The following TIGIT variants were observed in gnomAD, a reference collection of about 807,000 sequenced individuals.
TIGIT encodes T cell immunoreceptor with Ig and ITIM domains.
A neutral mutation model predicts 19.6 loss-of-function variants in TIGIT; 11 were observed. The observed-to-expected ratio is 0.56, with a 90% CI of 0.35 to 0.93. The LOEUF is 0.93. Among genes scored for constraint, TIGIT ranks in the 40% least tolerant of loss-of-function variants. TIGIT has a pLI of 0.01. For synonymous variants in TIGIT, 130 were observed against 125.5 expected, an observed-to-expected ratio of 1.04 and a Z score of -0.24; for missense variants, 295 against 303.9, an observed-to-expected ratio of 0.97 and a Z score of 0.22.
At chr3:114,305,763 G>A (rs1033825595) in intron 3 of TIGIT, among the ~76,000 whole-genome samples, 2 of 151,828 alleles carry the variant, frequency 1.3e-5, no homozygotes, top group African/African-American at 4.8e-5. Flanking sequence ...CGGAGGGACA[G>A]AACCAATAGG....
At chr3:114,297,881 C>T (rs985624058) in intron 2 of TIGIT, among the ~76,000 whole-genome samples, 1 of 152,228 alleles carries the variant, frequency 6.6e-6, no homozygotes, top group Non-Finnish European at 1.5e-5. Flanking sequence ...ATTGCAGACT[C>T]CAGGGAACAC....
At chr3:114,296,003 C>A in intron 2 of TIGIT, 129 bp downstream of exon 2, 1 of 746,674 alleles carries the variant, frequency 1.3e-6, no homozygotes, top group Non-Finnish European at 2.1e-6. Flanking sequence ...GATTTTAAAT[C>A]ATACTGATGC....
intron 2 of TIGIT, among the ~76,000 whole-genome samples, chr3:114,299,020 A>G (rs796239103): frequency 2.6e-5 from 4 of 152,318 alleles, no homozygotes; most frequent in African/African-American, 9.6e-5. Context: ...TTATGCCACA[A>G]ATATTTATAT....
chr3:114,294,648 G>A (rs2078441778), intron 1 of TIGIT, among the ~76,000 whole-genome samples: 1 of 152,122 alleles, frequency 6.6e-6, no homozygotes, highest in Non-Finnish European at 1.5e-5. Context: ...AAAAACTGTG[G>A]TATAAATTAG....
intron 1 of TIGIT, among the ~76,000 whole-genome samples, chr3:114,294,664 A>G (rs1371108136): frequency 6.6e-6 from 1 of 152,224 alleles, no homozygotes; most frequent in Non-Finnish European, 1.5e-5. Context: ...ATTAGTTTTT[A>G]TGTTGCCTTC....
chr3:114,304,998 C>G (rs145605535), intron 3 of TIGIT, among the ~76,000 whole-genome samples: 1 of 152,184 alleles, frequency 6.6e-6, no homozygotes, highest in African/African-American at 2.4e-5. Context: ...TGTGGATAGA[C>G]GAGTGTCTTT....
rs1219322889 is a variant in TIGIT, at chr3:114,309,452, G to C, written c.*1321G>C. On this transcript the variant is annotated 3_prime_UTR_variant, in exon 4 of 4. Transcript: ENST00000383671. ...GGAACTGAAAGAGAATGTGAAGCAA[G>C]GTTGTGTCTTGCGCATGGTTAAAAA... is the stretch of plus-strand genomic sequence containing the variant. 5 of 152,196 alleles carry C rather than the reference G, an allele frequency of 3.3e-5. No individual in the cohort carries two copies. Among genetic ancestry groups the C allele is most frequent in the Non-Finnish European group, 5.9e-5 (4 of 68,024 alleles). The allele number at this position is 152,196 out of a possible 1,614,324, so 9.4% of individuals were successfully genotyped here.
chr3:114,307,774 G>A, intron 3 of TIGIT, 121 bp from the exon 4 acceptor site: 1 of 882,542 alleles, frequency 1.1e-6, no homozygotes. Flanking sequence ...AATTGGTGTT[G>A]GTAAGAACAT....
At chr3:114,298,703 C>T (rs1302424039) in intron 2 of TIGIT, among the ~76,000 whole-genome samples, 1 of 152,182 alleles carries the variant, frequency 6.6e-6, no homozygotes, top group East Asian at 1.9e-4. Flanking sequence ...GTGCAGGCAC[C>T]ACCCTTGTCT....
Position 114,308,094 on chromosome 3 carries a change from G to T in TIGIT, c.698G>T (p.Ser233Ile). ...HDYFNVLSYR[S>I]LGNCSFFTET... ...TACTTCAATGTCCTGAGTTACAGAA[G>T]CCTGGGTAACTGCAGCTTCTTCACA... Residue 233 changes from serine to isoleucine, a missense_variant, in exon 4 of 4, where the codon AGC (serine) becomes ATC (isoleucine). Physicochemically the swap from Ser to Ile is moderately radical, Grantham distance 142 (BLOSUM62 -2). Transcript: ENST00000383671. 1 of 1,614,184 alleles carries T rather than the reference G, an allele frequency of 6.2e-7. No homozygotes were observed. The highest frequency in any genetic ancestry group is 8.5e-7 in the Non-Finnish European group (1 of 1,180,028).
intron 3 of TIGIT, among the ~76,000 whole-genome samples, chr3:114,301,518 T>C (rs573255330): frequency 6.6e-6 from 1 of 152,282 alleles, no homozygotes; most frequent in Non-Finnish European, 1.5e-5. Context: ...GGAGCTGCTA[T>C]GGTGGTTGGT....
At chr3:114,305,975 T>C (rs1462471801) in intron 3 of TIGIT, among the ~76,000 whole-genome samples, 1 of 152,076 alleles carries the variant, frequency 6.6e-6, no homozygotes, top group Non-Finnish European at 1.5e-5. Context: ...CCACAGGCTG[T>C]CTGCAAGCTG....
chr3:114,296,890 CTTTTTTTTTT>C (rs11289140), intron 2 of TIGIT, among the ~76,000 whole-genome samples: 31,968 of 113,774 alleles, frequency 0.28, 3,674 homozygotes, highest in Middle Eastern at 0.42. Flanking sequence ...AATGTTACTT[CTTTTTTTTTT>C]TTTTTTTTTT....
rs2078476510 is a variant in TIGIT at position 114,299,618 on chromosome 3, T to C, written c.413T>C (p.Phe138Ser). The change falls in exon 3 of 4, where the codon TTC becomes TCC. Residue 138 changes from phenylalanine to serine, a missense_variant. By Grantham distance (155) the Phe-to-Ser change is radical. Coordinates refer to ENST00000383671, the MANE Select transcript of TIGIT (RefSeq NM_173799.4). ...ESSVAEHGAR[F>S]QIPLLGAMAA... ...CTAGTGGCTGAGCACGGTGCCAGGT[T>C]CCAGATTCCATTGCTTGGAGCCATG... 6.2e-7 allele frequency: 1 copy of C among 1,613,360 alleles called. No homozygotes were observed. The highest frequency in any genetic ancestry group is 8.5e-7 in the Non-Finnish European group (1 of 1,179,950).
chr3:114,307,224 A>G (rs2078541143), intron 3 of TIGIT, among the ~76,000 whole-genome samples: 1 of 152,142 alleles, frequency 6.6e-6, no homozygotes, highest in Admixed American at 6.5e-5. Context: ...TTTGAGTCTG[A>G]GCTTGCCGTG....
Position 114,308,125 on chromosome 3 carries a change from T to G in TIGIT, c.729T>G (p.Thr243=). Residue 243 remains threonine, a synonymous_variant, in exon 4 of 4, where the codon ACT becomes ACG. Coordinates refer to ENST00000383671, the MANE Select transcript of TIGIT (RefSeq NM_173799.4). ...SLGNCSFFTE[T]G is the part of the protein sequence containing the mutation. ...GTAACTGCAGCTTCTTCACAGAGAC[T>G]GGTTAGCAACCAGAGGCATCTTCTG... 2 of 1,613,818 alleles carry G rather than the reference T, an allele frequency of 1.2e-6. No homozygotes were observed. The highest frequency in any genetic ancestry group is 1.7e-6 in the Non-Finnish European group (2 of 1,179,832).
chr3:114,299,794 C>A (rs998679348), intron 3 of TIGIT, 91 bp downstream of exon 3: 8 of 788,898 alleles, frequency 1.0e-5, no homozygotes, highest in Non-Finnish European at 1.7e-5. Flanking sequence ...AGAGAGAGAC[C>A]CAGATGTGAT....
chr3:114,299,507 C>A, intron 2 of TIGIT, 90 bp from the exon 3 acceptor site: 3 of 969,118 alleles, frequency 3.1e-6, no homozygotes, highest in Non-Finnish European at 4.9e-6. Context: ...GGCCAATCCT[C>A]CCCTCTCTGC....
In TIGIT at chr3:114,310,177, T is replaced by G. The variant is rs2078562570; in HGVS notation, c.*2046T>G. 6.6e-6 allele frequency: 1 copy of G among 152,212 alleles called. No homozygotes were observed. The highest frequency in any genetic ancestry group is 1.5e-5 in the Non-Finnish European group (1 of 68,038). 9.4% of individuals were successfully genotyped at this position (152,212 alleles called of 1,614,324 possible). On this transcript the variant is annotated 3_prime_UTR_variant, in exon 4 of 4. Coordinates refer to ENST00000383671, the MANE Select transcript of TIGIT (RefSeq NM_173799.4). ...GGTATAAGCATAAAATCACACTAGA[T>G]TCTGGAGATTTAATATGAATAATAA... is the stretch of plus-strand genomic sequence containing the variant.
Sources: gnomAD v4.1 joint callset for allele counts (sites outside exome capture counted in the v4.1 genomes callset) on GRCh38, gnomAD v4.1.1 for gene constraint, MANE v1.5 for transcripts, NCBI Gene and HGNC (gene_info 2026-07-23, HGNC 2026-07-21) for gene names.